The following FAM76A variants were observed in gnomAD, a reference collection of about 807,000 sequenced individuals.
FAM76A encodes the protein protein FAM76A.
A neutral mutation model predicts 46.2 loss-of-function variants in FAM76A; 32 were observed. The observed-to-expected ratio is 0.69, with a 90% CI of 0.52 to 0.93. The LOEUF (loss-of-function observed/expected upper bound fraction) is 0.93. Ranked by LOEUF, FAM76A falls within the 40% of genes least tolerant of loss-of-function variation. FAM76A has a pLI of 0.00. For synonymous variants in FAM76A, 137 were observed against 127.0 expected (o/e 1.08, Z -0.53); for missense variants, 274 against 361.5 (o/e 0.76, Z 1.96).
At chr1:27,740,311 C>CTA in intron 4 of FAM76A, 1 of 864,806 alleles carries the variant, frequency 1.2e-6, no homozygotes. Context: ...AAACCAGGAA[C>CTA]TACAGTTGAG....
In FAM76A at chr1:27,758,647, G is replaced by A. The variant is rs114992358; in HGVS notation, c.736-879G>A. Among the ~76,000 whole-genome samples the A allele has an allele frequency of 3.6e-3, 533 of 149,596 alleles. 1 individual carries two copies. Among genetic ancestry groups the A allele is most frequent in the African/African-American group, 0.012 (507 of 40,862 alleles). ...CCTCTAAATAGCTGGGACTGCAGGC[G>A]CACACCACCACACCCAGCTATTTTA... On this transcript the variant is annotated intron_variant, in intron 7 of 8. Transcript: ENST00000373954.
intron 3 of FAM76A, among the ~76,000 whole-genome samples, 156 bp from the exon 4 acceptor site, chr1:27,733,875 T>C (rs556985218): frequency 1.2e-4 from 19 of 152,152 alleles, no homozygotes; most frequent in African/African-American, 4.3e-4. Context: ...TAAAAAAGAA[T>C]TGGGCTTCAT....
chr1:27,740,159 G>T (rs878861483), intron 4 of FAM76A: 1 of 521,826 alleles, frequency 1.9e-6, no homozygotes. Flanking sequence ...TACATGTGAT[G>T]GTGTCCAAGC....
chr1:27,760,588 T>G lies in FAM76A; in HGVS notation c.*7T>G. ...AGCTATAACCTCTCCATGACAGACC[T>G]CAAGGAGGCTCCCTAGCAACAGCAA... On this transcript the variant is annotated 3_prime_UTR_variant, in exon 9 of 9. Transcript: ENST00000373954. 6.2e-7 allele frequency: 1 copy of G among 1,602,628 alleles called. No individual in the cohort carries two copies. The highest frequency in any genetic ancestry group is 8.5e-7 in the Non-Finnish European group (1 of 1,173,384).
rs554658286 is a variant in FAM76A, at chr1:27,734,991, G to C, written c.354+808G>C. Among the ~76,000 whole-genome samples, 4 of 152,354 alleles carry C rather than the reference G, an allele frequency of 2.6e-5. No individual in the cohort carries two copies. The East Asian group carries it at 7.7e-4, about 29-fold the overall frequency. On this transcript the variant is annotated intron_variant, in intron 4 of 8. Transcript: ENST00000373954. ...AAATCCTCCACGGGTTTCCAGTTGT[G>C]CTTAGAATAAAACTCAAATCCCTTC...
At chr1:27,745,299 C>G (rs2088224011) in intron 5 of FAM76A, among the ~76,000 whole-genome samples, 1 of 151,986 alleles carries the variant, frequency 6.6e-6, no homozygotes, top group Non-Finnish European at 1.5e-5. Context: ...GCCAGGTTCT[C>G]TGCGGGGATC....
chr1:27,737,868 C>CAAAAAAAAAAAAAAAAAAAAAAAAAAAG (rs71571865), intron 4 of FAM76A, among the ~76,000 whole-genome samples: 1 of 62,704 alleles, frequency 1.6e-5, no homozygotes, highest in African/African-American at 4.7e-5. Context: ...ACAACAACAA[C>CAAAAAAAAAAAAAAAAAAAAAAAAAAAG]AAAAAAAAAA....
At chr1:27,751,498 CT>C (rs575176298) in intron 6 of FAM76A, among the ~76,000 whole-genome samples, 11,613 of 130,908 alleles carry the variant, frequency 0.089, 1,182 homozygotes, top group African/African-American at 0.29. Context: ...CTACCCATTT[CT>C]TTTTTTTTTT....
Position 27,755,180 on chromosome 1 carries a change from G to C in FAM76A, c.600-15G>C. On this transcript the variant is annotated splice_polypyrimidine_tract_variant and intron_variant, in intron 6 of 8. Transcript: ENST00000373954. ...CATCCAAGTTAAAATATTTTCCCCTGATTTTTAAATTTAGCTTCTCCCCAG... is the reference window on the plus strand; with the variant it reads ...CATCCAAGTTAAAATATTTTCCCCTCATTTTTAAATTTAGCTTCTCCCCAG... The C allele has an allele frequency of 6.2e-7, 1 of 1,613,398 alleles. No homozygotes were observed. Among genetic ancestry groups the C allele is most frequent in the East Asian group, 2.2e-5 (1 of 44,868 alleles).
rs2088528663 is a variant in FAM76A, at chr1:27,762,784, A to G, written c.*2203A>G. On this transcript the variant is annotated 3_prime_UTR_variant, in exon 9 of 9. Coordinates refer to ENST00000373954, the MANE Select transcript of FAM76A (RefSeq NM_152660.3). ...ATGGTGTTTTTTTTTAATTTTAAGG[A>G]CTGAAATTCTGTTACATGATGTATG... 6.6e-6 allele frequency: 1 copy of G among 152,120 alleles called. No individual in the cohort carries two copies. The highest frequency in any genetic ancestry group is 2.4e-5 in the African/African-American group (1 of 41,442). 9.4% of individuals were successfully genotyped at this position (152,120 alleles called of 1,614,324 possible).
chr1:27,733,598 A>G (rs901150737), intron 3 of FAM76A, among the ~76,000 whole-genome samples: 1 of 152,144 alleles, frequency 6.6e-6, no homozygotes, highest in Non-Finnish European at 1.5e-5. Context: ...CTATAATCCC[A>G]GCACATTGGG....
At chr1:27,726,612 G>A (rs1438251680) in intron 1 of FAM76A, among the ~76,000 whole-genome samples, 1 of 152,094 alleles carries the variant, frequency 6.6e-6, no homozygotes, top group Non-Finnish European at 1.5e-5. Context: ...TTCAGAATCG[G>A]AGGTAGCAAG....
At chr1:27,733,977 G>T (rs1571470339) in intron 3 of FAM76A, 54 bp from the exon 4 acceptor site, 8 of 1,526,390 alleles carry the variant, frequency 5.2e-6, no homozygotes, top group Non-Finnish European at 7.1e-6. Context: ...TTTTTTAAAT[G>T]CAGTGGTATT....
At chr1:27,740,914 A>G (rs1029491562) in intron 4 of FAM76A, among the ~76,000 whole-genome samples, 3 of 152,082 alleles carry the variant, frequency 2.0e-5, no homozygotes, top group Non-Finnish European at 4.4e-5. Context: ...GGATCACCTG[A>G]GGTCAGGAGC....
At chr1:27,754,000 A>G (rs1342923659) in intron 6 of FAM76A, among the ~76,000 whole-genome samples, 1 of 152,030 alleles carries the variant, frequency 6.6e-6, no homozygotes, top group Non-Finnish European at 1.5e-5. Flanking sequence ...CTGGCCATTG[A>G]AAGCTATGGA....
chr1:27,759,675 G>A (rs373491006), intron 8 of FAM76A, 48 bp downstream of exon 8: 120 of 1,238,956 alleles, frequency 9.7e-5, no homozygotes, highest in Non-Finnish European at 1.4e-4. Flanking sequence ...TACCTACCTG[G>A]TATACCTAGC....
chr1:27,744,252 C>T (rs2088203994), intron 4 of FAM76A, among the ~76,000 whole-genome samples: 1 of 152,166 alleles, frequency 6.6e-6, no homozygotes, highest in African/African-American at 2.4e-5. Context: ...CCTCAGCCTC[C>T]TGAGTAGCTG....
At position 27,749,124 on chromosome 1, in the gene FAM76A, A is replaced by G; in HGVS notation, c.569A>G (p.Lys190Arg). ...IQNEIPKKKS[K>R]FESITTNGDS... ...AATGAAATCCCAAAGAAAAAGTCCA[A>G]GTTTGAGTCAATCACAACTAATGGA... Residue 190 changes from lysine (K) to arginine (R), a missense_variant, in exon 6 of 9, where the codon AAG (lysine) becomes AGG (arginine). Coordinates refer to ENST00000373954, the MANE Select transcript of FAM76A (RefSeq NM_152660.3). 6.2e-7 allele frequency: 1 copy of G among 1,606,954 alleles called. No homozygotes were observed. Among genetic ancestry groups the G allele is most frequent in the Non-Finnish European group, 8.5e-7 (1 of 1,178,528 alleles).
In FAM76A at chr1:27,760,602, T is replaced by C; in HGVS notation, c.*21T>C. On this transcript the variant is annotated 3_prime_UTR_variant, in exon 9 of 9. Transcript: ENST00000373954. The stretch of plus-strand genomic sequence containing the variant: ...CATGACAGACCTCAAGGAGGCTCCC[T>C]AGCAACAGCAAATGGAGTTGTCCAG... The C allele has an allele frequency of 1.3e-6, 2 of 1,578,440 alleles. No homozygotes were observed. The highest frequency in any genetic ancestry group is 1.7e-5 in the Admixed American group (1 of 57,562).
Sources: gnomAD v4.1 joint callset for allele counts (sites outside exome capture counted in the v4.1 genomes callset) on GRCh38, gnomAD v4.1.1 for gene constraint, MANE v1.5 for transcripts, NCBI Gene and HGNC (gene_info 2026-07-23, HGNC 2026-07-21) for gene names.